ZBTB20: variants seen among roughly 807,000 people sequenced by gnomAD.
ZBTB20 encodes the protein zinc finger and BTB domain-containing protein 20.
ZBTB20 carries 9 observed loss-of-function variants against 56.9 expected under a neutral mutation model. The ratio of observed to expected loss-of-function variants is 0.16; its 90% CI spans 0.10 to 0.28. ZBTB20 has a LOEUF of 0.28. ZBTB20 is among the 10% of genes least tolerant of loss of function. The pLI is 1.00. For synonymous variants in ZBTB20, 417 were observed against 420.7 expected, an observed-to-expected ratio of 0.99 and a Z score of 0.11; for missense variants, 655 against 1,003.0, an observed-to-expected ratio of 0.65 and a Z score of 4.69.
At chr3:114,658,196 G>C (rs1274873483) in intron 6 of ZBTB20, 1 of 152,122 alleles carries the variant, frequency 6.6e-6, no homozygotes, top group African/African-American at 2.4e-5. Flanking sequence ...TGTATGTAAA[G>C]AAAACTACCT....
At chr3:114,639,315 C>T (rs1472911627) in intron 6 of ZBTB20, among the ~76,000 whole-genome samples, 2 of 152,004 alleles carry the variant, frequency 1.3e-5, no homozygotes, top group Non-Finnish European at 2.9e-5. Context: ...GGGAAAAAGA[C>T]TCAGAGCTGT....
At position 114,318,678 on chromosome 3, in the gene ZBTB20, T is replaced by C. The variant is rs902349912; in HGVS notation, c.*20327A>G. ...AGAGAGGCAGAGCCCGGCTGTGTCA[T>C]ACAAAAAAGGGCAACGCACAGCAGG... On this transcript the variant is annotated 3_prime_UTR_variant, in exon 12 of 12. Transcript: ENST00000675478. 2.0e-5 allele frequency: 3 copies of C among 152,208 alleles called. No homozygotes were observed. Among genetic ancestry groups the C allele is most frequent in the African/African-American group, 7.2e-5 (3 of 41,454 alleles). The allele number at this position is 152,208 out of a possible 1,614,324, so 9.4% of individuals were successfully genotyped here.
At chr3:114,691,029 G>T (rs1463638334) in intron 6 of ZBTB20, among the ~76,000 whole-genome samples, 1 of 152,034 alleles carries the variant, frequency 6.6e-6, no homozygotes, top group Admixed American at 6.6e-5. Flanking sequence ...AGTACCAAAA[G>T]AAAATAGTTC....
In ZBTB20 at chr3:114,696,329, T is replaced by C. The variant is rs373386464; in HGVS notation, c.-342-2754A>G. Among the ~76,000 whole-genome samples the C allele has an allele frequency of 1.5e-3, 221 of 152,176 alleles. 2 individuals are homozygous for C. Among genetic ancestry groups the C allele is most frequent in the South Asian group, 0.01 (49 of 4,828 alleles). On this transcript the variant is annotated intron_variant, in intron 5 of 11. Transcript: ENST00000675478. ...GTATGATCTTAAAGAATGATGCTGATCTGAGATACAAGGAGATCAAGCGCT... is the reference window on the plus strand; with the variant it reads ...GTATGATCTTAAAGAATGATGCTGACCTGAGATACAAGGAGATCAAGCGCT...
chr3:114,629,359 A>C (rs1372544075), intron 6 of ZBTB20, among the ~76,000 whole-genome samples: 3 of 152,186 alleles, frequency 2.0e-5, no homozygotes, highest in African/African-American at 7.2e-5. Context: ...ATAATCTACA[A>C]ATTCACATTA....
At chr3:114,436,567 C>T (rs2090531796) in intron 7 of ZBTB20, among the ~76,000 whole-genome samples, 1 of 152,134 alleles carries the variant, frequency 6.6e-6, no homozygotes, top group South Asian at 2.1e-4. Context: ...TATAATGTTA[C>T]CTGTTAAGGC....
chr3:114,480,803 T>C (rs9873460), intron 7 of ZBTB20, among the ~76,000 whole-genome samples: 76,352 of 151,728 alleles, frequency 0.5, 21,975 homozygotes, highest in Non-Finnish European at 0.65. Flanking sequence ...GGATGGTAAG[T>C]CATCGGAAGG....
In ZBTB20 at chr3:114,398,300, G is replaced by A. The variant is rs148605558; in HGVS notation, c.-254-9195C>T. ...GGAACCTTGTTTTATACACTACAGA[G>A]ACCCCAGCTTTTTGAGCACAGTAGG... On this transcript the variant is annotated intron_variant, in intron 7 of 11. Coordinates refer to ENST00000675478, the MANE Select transcript of ZBTB20 (RefSeq NM_001348800.3). Among the ~76,000 whole-genome samples the A allele has an allele frequency of 2.8e-3, 431 of 152,230 alleles. 4 individuals carry two copies. Among genetic ancestry groups the A allele is most frequent in the African/African-American group, 9.7e-3 (401 of 41,546 alleles).
intron 4 of ZBTB20, among the ~76,000 whole-genome samples, chr3:114,805,608 T>G (rs937573456): frequency 6.6e-6 from 1 of 151,410 alleles, no homozygotes; most frequent in South Asian, 2.1e-4. Flanking sequence ...ACATAACAGT[T>G]TATTGAGATA....
At chr3:114,723,561 T>G (rs1246738454) in intron 5 of ZBTB20, among the ~76,000 whole-genome samples, 1 of 152,192 alleles carries the variant, frequency 6.6e-6, no homozygotes, top group East Asian at 1.9e-4. Flanking sequence ...GAAGGACCTG[T>G]GAAGCTCTGT....
In ZBTB20 at chr3:114,512,308, T is replaced by C. The variant is rs2045499057; in HGVS notation, c.-294-11917A>G. Reference sequence around the variant, plus strand: ...GAGTTGGTTAAGATAGGGGAGAATATACAAAGTATTTCCAACACCATGCAT... The same window carrying C: ...GAGTTGGTTAAGATAGGGGAGAATACACAAAGTATTTCCAACACCATGCAT... On this transcript the variant is annotated intron_variant, in intron 6 of 11. Coordinates refer to ENST00000675478, the MANE Select transcript of ZBTB20 (RefSeq NM_001348800.3). Among the ~76,000 whole-genome samples the C allele has an allele frequency of 2.6e-5, 4 of 152,198 alleles. No homozygotes were observed. In the South Asian group the frequency reaches 8.3e-4, roughly 32 times the overall value.
chr3:114,448,833 TAAAA>T (rs1340705105), intron 7 of ZBTB20, among the ~76,000 whole-genome samples: 1 of 152,090 alleles, frequency 6.6e-6, no homozygotes, highest in Non-Finnish European at 1.5e-5. Context: ...TACAGAAAAA[TAAAA>T]TATAATGAAT....
intron 10 of ZBTB20, among the ~76,000 whole-genome samples, chr3:114,377,565 C>G (rs2083795926): frequency 1.3e-5 from 2 of 152,124 alleles, no homozygotes; most frequent in Admixed American, 1.3e-4. Context: ...GCAGAGCTGA[C>G]TTTTCTTTTG....
At chr3:114,357,665 T>C (rs2081392804) in intron 10 of ZBTB20, among the ~76,000 whole-genome samples, 1 of 152,194 alleles carries the variant, frequency 6.6e-6, no homozygotes, top group South Asian at 2.1e-4. Context: ...GGGTCTGTGT[T>C]TTCCCCAAAT....
At chr3:114,605,311 A>G (rs980207737) in intron 6 of ZBTB20, among the ~76,000 whole-genome samples, 1 of 152,188 alleles carries the variant, frequency 6.6e-6, no homozygotes, top group Admixed American at 6.5e-5. Context: ...AGCCACAGAC[A>G]AGAGCAGGGG....
chr3:114,517,923 A>T (rs920045273), intron 6 of ZBTB20, among the ~76,000 whole-genome samples: 1 of 152,164 alleles, frequency 6.6e-6, no homozygotes, highest in African/African-American at 2.4e-5. Flanking sequence ...CCCTATGCTG[A>T]AGATAGTAGA....
At chr3:114,812,865 C>G (rs915871604) in intron 4 of ZBTB20, among the ~76,000 whole-genome samples, 8 of 152,216 alleles carry the variant, frequency 5.3e-5, no homozygotes, top group Admixed American at 2.6e-4. Context: ...TAAGGCCCGG[C>G]GAGAAATTGA....
chr3:114,862,375 T>C (rs1434170285), intron 4 of ZBTB20, among the ~76,000 whole-genome samples: 1 of 151,786 alleles, frequency 6.6e-6, no homozygotes, highest in African/African-American at 2.4e-5. Context: ...ATTAATAAAA[T>C]AGGATAAGAA....
At chr3:114,655,500 C>T (rs867699253) in intron 6 of ZBTB20, among the ~76,000 whole-genome samples, 5 of 151,956 alleles carry the variant, frequency 3.3e-5, no homozygotes, top group African/African-American at 9.7e-5. Context: ...GATCCACCCG[C>T]CTCGGCCTCC....
Sources: allele counts gnomAD v4.1 joint callset (sites outside exome capture counted in the v4.1 genomes callset), GRCh38; gene constraint gnomAD v4.1.1; transcripts MANE v1.5; gene names NCBI Gene and HGNC (gene_info 2026-07-23, HGNC 2026-07-21).